Variants in NEK1 observed in about 807,000 individuals in gnomAD.
NEK1 encodes serine/threonine-protein kinase Nek1.
In NEK1, 137 loss-of-function variants were observed where a neutral mutation model predicts 182.1. The observed-to-expected ratio is 0.75, with a 90% CI of 0.65 to 0.87. The LOEUF (loss-of-function observed/expected upper bound fraction) is 0.87, where lower values mean the gene tolerates loss of function less well. NEK1 is among the 40% of genes least tolerant of loss of function. The pLI, the probability that NEK1 is intolerant of heterozygous loss-of-function variation, is 0.00. For synonymous variants in NEK1, 513 were observed against 492.2 expected (o/e 1.04, Z -0.56); for missense variants, 1,391 against 1,494.4 (o/e 0.93, Z 1.14).
At chr4:169,509,169 C>T (rs913088982) in intron 19 of NEK1, among the ~76,000 whole-genome samples, 1 of 152,022 alleles carries the variant, frequency 6.6e-6, no homozygotes, top group African/African-American at 2.4e-5. Flanking sequence ...GGAGGTTAAA[C>T]CCCAAACCAA....
chr4:169,487,025 A>C (rs1367164328), intron 23 of NEK1, among the ~76,000 whole-genome samples: 1 of 152,232 alleles, frequency 6.6e-6, no homozygotes, highest in Non-Finnish European at 1.5e-5. Context: ...AAAAGGACCC[A>C]TCATCACATA....
chr4:169,529,845 C>T (rs1156256608), intron 19 of NEK1, among the ~76,000 whole-genome samples: 1 of 152,144 alleles, frequency 6.6e-6, no homozygotes, highest in Non-Finnish European at 1.5e-5. Context: ...AATTCAGCCA[C>T]AGTGACATAT....
At chr4:169,400,708 C>A in intron 33 of NEK1, 57 bp from the exon 34 acceptor site, 1 of 1,243,314 alleles carries the variant, frequency 8.0e-7, no homozygotes, top group Non-Finnish European at 1.1e-6. Flanking sequence ...AACTCATACC[C>A]TAATAGACTA....
rs1731492635 is a variant in NEK1, at chr4:169,400,603, A to G, written c.3632T>C (p.Phe1211Ser). The G allele has an allele frequency of 2.5e-6, 4 of 1,606,840 alleles. No homozygotes were observed. Among genetic ancestry groups the G allele is most frequent in the Non-Finnish European group, 3.4e-6 (4 of 1,176,444 alleles). Reference sequence around the variant, plus strand: ...AAGTCTCAGTTCCTCTAAATGGTTAAAGACACTATCGCATTCACATTCACT... The same window carrying G: ...AAGTCTCAGTTCCTCTAAATGGTTAGAGACACTATCGCATTCACATTCACT... ...IASECECDSVFNHLEELRLHL... is the reference protein window; with the variant it reads ...IASECECDSVSNHLEELRLHL... The change falls in exon 34 of 36, where the codon TTT becomes TCT. Residue 1211 changes from phenylalanine to serine, a missense_variant. By Grantham distance (155) the Phe-to-Ser change is radical (BLOSUM62 -2). This residue lies in a region of NEK1 where 1,216 missense variants were observed against 1,277.6 expected (regional missense o/e 0.95). Transcript: ENST00000507142.
chr4:169,422,958 T>C (rs1472778387), intron 31 of NEK1, among the ~76,000 whole-genome samples: 2 of 152,158 alleles, frequency 1.3e-5, no homozygotes, highest in South Asian at 2.1e-4. Context: ...GATCATAAAT[T>C]GGTTTTGGTA....
chr4:169,424,858 G>T, intron 30 of NEK1, 58 bp from the exon 31 acceptor site: 1 of 1,474,302 alleles, frequency 6.8e-7, no homozygotes, highest in Non-Finnish European at 9.1e-7. Flanking sequence ...AGTTCTAAAT[G>T]ATATTGATAA....
chr4:169,598,824 C>T (rs1769999730), intron 5 of NEK1, among the ~76,000 whole-genome samples: 1 of 152,036 alleles, frequency 6.6e-6, no homozygotes, highest in Non-Finnish European at 1.5e-5. Context: ...ATAGACTAGT[C>T]AGTTATAATG....
intron 26 of NEK1, among the ~76,000 whole-genome samples, chr4:169,470,016 T>C (rs1356599659): frequency 1.3e-5 from 2 of 151,534 alleles, no homozygotes; most frequent in Non-Finnish European, 1.5e-5. Flanking sequence ...TGAGCCTATG[T>C]GTGTCCTTGA....
chr4:169,399,121 T>C (rs1731204958), intron 35 of NEK1, among the ~76,000 whole-genome samples: 1 of 151,770 alleles, frequency 6.6e-6, no homozygotes, highest in Admixed American at 6.6e-5. Flanking sequence ...TGGTAGCACC[T>C]GTAGGCCAAG....
At chr4:169,476,934 G>C (rs1747058258) in intron 26 of NEK1, among the ~76,000 whole-genome samples, 190 bp downstream of exon 26, 1 of 152,022 alleles carries the variant, frequency 6.6e-6, no homozygotes, top group African/African-American at 2.4e-5. Context: ...TGATTAGTTT[G>C]ATTAGTTTTC....
At chr4:169,465,003 G>A (rs1441993698) in intron 26 of NEK1, among the ~76,000 whole-genome samples, 3 of 151,860 alleles carry the variant, frequency 2.0e-5, no homozygotes, top group Non-Finnish European at 4.4e-5. Context: ...TAACATACAG[G>A]ATATAATATT....
At chr4:169,561,410 G>T in intron 16 of NEK1, 70 bp downstream of exon 16, 1 of 1,305,200 alleles carries the variant, frequency 7.7e-7, no homozygotes, top group Non-Finnish European at 1.1e-6. Context: ...CCAAGTACAT[G>T]CATTTTATAG....
At chr4:169,513,968 T>C (rs1232269173) in intron 19 of NEK1, among the ~76,000 whole-genome samples, 1 of 146,572 alleles carries the variant, frequency 6.8e-6, no homozygotes, top group Non-Finnish European at 1.5e-5. Context: ...GGATTTTTGT[T>C]ATTTATTTAT....
intron 19 of NEK1, among the ~76,000 whole-genome samples, chr4:169,513,299 A>G (rs1380036226): frequency 6.6e-6 from 1 of 152,080 alleles, no homozygotes; most frequent in Non-Finnish European, 1.5e-5. Flanking sequence ...TTAATATTGC[A>G]TATGTTTTGT....
In NEK1 at chr4:169,536,397, C is replaced by T. The variant is rs148408409; in HGVS notation, c.1665+1412G>A. Among the ~76,000 whole-genome samples, 185 of 150,186 alleles carry T rather than the reference C, an allele frequency of 1.2e-3. 1 individual carries two copies. Among genetic ancestry groups the T allele is most frequent in the African/African-American group, 3.9e-3 (161 of 40,868 alleles). ...TAGAGAAAAAAGATACATTATATAC[C>T]AAGGAAAAAGATAAGAATGAATGCT... On this transcript the variant is annotated intron_variant, in intron 19 of 35. Coordinates refer to ENST00000507142, the MANE Select transcript of NEK1 (RefSeq NM_001199397.3).
At chr4:169,594,132 G>A (rs543477863) in intron 5 of NEK1, among the ~76,000 whole-genome samples, 14 of 152,158 alleles carry the variant, frequency 9.2e-5, no homozygotes, top group Admixed American at 3.3e-4. Flanking sequence ...CAAATGTTAT[G>A]TTGTATTATA....
In NEK1 at chr4:169,577,018, C is replaced by T. The variant is rs773492046; in HGVS notation, c.930G>A (p.Lys310=). Residue 310 remains lysine (K), a synonymous_variant, in exon 12 of 36, where the codon AAG becomes AAA. Transcript: ENST00000507142. The part of the protein sequence containing the change: ...ISVMPAQKIT[K]PAAKYGIPLA... ...AAGGTATTCCATATTTAGCGGCAGG[C>T]TTTGTAATTTTCTGAGCAGGCATAA... 1 of 1,612,910 alleles carries T rather than the reference C, an allele frequency of 6.2e-7. No homozygotes were observed. Among genetic ancestry groups the T allele is most frequent in the East Asian group, 2.2e-5 (1 of 44,798 alleles).
chr4:169,604,171 A>C, intron 2 of NEK1, among the ~76,000 whole-genome samples: 1 of 152,322 alleles, frequency 6.6e-6, no homozygotes, highest in South Asian at 2.1e-4. Context: ...ATAAAAGATT[A>C]TTTTGATATA....
intron 35 of NEK1, among the ~76,000 whole-genome samples, chr4:169,397,796 T>G (rs2110966236): frequency 6.6e-6 from 1 of 152,302 alleles, no homozygotes; most frequent in East Asian, 1.9e-4. Flanking sequence ...AATTCTACCT[T>G]GTGAATAAGT....
Sources: gnomAD v4.1 joint callset for allele counts (sites outside exome capture counted in the v4.1 genomes callset) on GRCh38, gnomAD v4.1.1 for gene constraint, gnomAD v4.1.1 regional missense constraint, MANE v1.5 for transcripts, NCBI Gene and HGNC (gene_info 2026-07-23, HGNC 2026-07-21) for gene names.